TRIM33: variants seen among roughly 807,000 people sequenced by gnomAD.
The protein encoded by TRIM33 is tripartite motif containing 33, also known as E3 ubiquitin-protein ligase TRIM33.
TRIM33 carries 20 observed loss-of-function variants against 125.4 expected under a neutral mutation model. The ratio of observed to expected loss-of-function variants is 0.16; its 90% CI spans 0.11 to 0.23. TRIM33 has a LOEUF of 0.23. TRIM33 is among the 10% of genes least tolerant of loss of function. The probability of loss-of-function intolerance (pLI) is 1.00; values close to 1 mark genes in which losing one functional copy is unlikely to be tolerated. For missense variants in TRIM33, 920 were observed against 1,411.4 expected, an observed-to-expected ratio of 0.65 and a Z score of 5.58; for synonymous variants, 564 against 513.9, an observed-to-expected ratio of 1.10 and a Z score of -1.32.
chr1:114,397,633 TAAATCCATGTCA>T lies in TRIM33; in HGVS notation c.*3_*14del. ...TTTTTTTTTTTTTAAACAATTGATT[TAAATCCATGTCA>T]TTTTACTTTATATGTACTGGTCTCT... On this transcript the variant is annotated 3_prime_UTR_variant, in exon 20 of 20. Coordinates refer to ENST00000358465, the MANE Select transcript of TRIM33 (RefSeq NM_015906.4). 1 of 1,453,446 alleles carries T rather than the reference TAAATCCATGTCA, an allele frequency of 6.9e-7. No homozygotes were observed. 90.0% of individuals were successfully genotyped at this position (1,453,446 alleles called of 1,614,324 possible). A position where few individuals can be genotyped will look rare whatever the true frequency, so the allele number is the denominator to read the frequency against.
intron 4 of TRIM33, among the ~76,000 whole-genome samples, chr1:114,448,174 T>G (rs1349958915): frequency 6.6e-6 from 1 of 152,160 alleles, no homozygotes; most frequent in Non-Finnish European, 1.5e-5. Flanking sequence ...ATTGGCTACA[T>G]GAGAGGGGAT....
chr1:114,420,559 C>A, intron 11 of TRIM33: 1 of 526,254 alleles, frequency 1.9e-6, no homozygotes, highest in Non-Finnish European at 3.5e-6. Flanking sequence ...ATTCATACGA[C>A]CTTCAATTCC....
chr1:114,401,522 C>G, intron 16 of TRIM33, 59 bp from the exon 17 acceptor site: 1 of 1,428,688 alleles, frequency 7.0e-7, no homozygotes, highest in Middle Eastern at 1.8e-4. Context: ...AAAACATTCT[C>G]GAGAATGAGA....
intron 4 of TRIM33, among the ~76,000 whole-genome samples, chr1:114,449,449 CTT>C (rs1001102433): frequency 2.6e-5 from 4 of 152,142 alleles, no homozygotes; most frequent in African/African-American, 9.6e-5. Context: ...GTGGCACTCT[CTT>C]GGGTAACAGA....
At chr1:114,484,573 A>G (rs1156939915) in intron 1 of TRIM33, among the ~76,000 whole-genome samples, 3 of 151,876 alleles carry the variant, frequency 2.0e-5, no homozygotes, top group Non-Finnish European at 4.4e-5. Context: ...TTAAAAATAC[A>G]AAAATTAGGC....
chr1:114,402,200 G>C (rs1651938770), intron 16 of TRIM33, among the ~76,000 whole-genome samples: 1 of 152,126 alleles, frequency 6.6e-6, no homozygotes, highest in Non-Finnish European at 1.5e-5. Flanking sequence ...AATATGATGA[G>C]AAGCTATTAG....
At chr1:114,427,481 A>C (rs892406687) in intron 7 of TRIM33, among the ~76,000 whole-genome samples, 187 bp from the exon 8 acceptor site, 1 of 152,210 alleles carries the variant, frequency 6.6e-6, no homozygotes, top group Non-Finnish European at 1.5e-5. Flanking sequence ...TTTGGGTAAT[A>C]AAGTGCATTA....
intron 1 of TRIM33, among the ~76,000 whole-genome samples, chr1:114,471,883 T>A (rs1175714634): frequency 1.3e-5 from 2 of 152,210 alleles, no homozygotes; most frequent in Non-Finnish European, 2.9e-5. Flanking sequence ...CATTTCCTTA[T>A]CCAGTTTTTG....
chr1:114,417,145 C>T (rs555271712), intron 11 of TRIM33, among the ~76,000 whole-genome samples: 1 of 152,210 alleles, frequency 6.6e-6, no homozygotes, highest in South Asian at 2.1e-4. Flanking sequence ...TAATTCCATT[C>T]ACATGTGGAA....
chr1:114,410,089 A>T, intron 12 of TRIM33, 95 bp downstream of exon 12: 1 of 1,428,942 alleles, frequency 7.0e-7, no homozygotes, highest in Non-Finnish European at 9.8e-7. Context: ...TAGACCTCCT[A>T]CTTATTCTGT....
chr1:114,486,041 G>A (rs994745718), intron 1 of TRIM33, among the ~76,000 whole-genome samples: 4 of 152,144 alleles, frequency 2.6e-5, no homozygotes, highest in Non-Finnish European at 5.9e-5. Context: ...TTAGGAAGCT[G>A]AGGCAGGCAG....
intron 1 of TRIM33, among the ~76,000 whole-genome samples, chr1:114,500,197 TAAG>T (rs891601926): frequency 1.1e-4 from 16 of 152,320 alleles, no homozygotes; most frequent in Non-Finnish European, 1.9e-4. Context: ...TTTTTGGACT[TAAG>T]AAAATGTGGA....
At position 114,396,902 on chromosome 1, in the gene TRIM33, G is replaced by A. The variant is rs1651566915; in HGVS notation, c.*746C>T. 1 of 212,590 alleles carries A rather than the reference G, an allele frequency of 4.7e-6. No individual in the cohort carries two copies. Among genetic ancestry groups the A allele is most frequent in the Non-Finnish European group, 9.5e-6 (1 of 105,004 alleles). 13.2% of individuals were successfully genotyped at this position (212,590 alleles called of 1,614,324 possible). A position where few individuals can be genotyped will look rare whatever the true frequency, so the allele number is the denominator to read the frequency against. On this transcript the variant is annotated 3_prime_UTR_variant, in exon 20 of 20. Coordinates refer to ENST00000358465, the MANE Select transcript of TRIM33 (RefSeq NM_015906.4). Reference sequence around the variant, plus strand: ...TGATTTGATTGGGAAGTACAATTGTGAGGAAGTGTTTTCTGGAAACAACTA... The same window carrying A: ...TGATTTGATTGGGAAGTACAATTGTAAGGAAGTGTTTTCTGGAAACAACTA...
In TRIM33 at chr1:114,405,620, C is replaced by A; in HGVS notation, c.2558G>T (p.Gly853Val). ...ADMNESCKQS[G>V]LSSLVNGKSP... Reference sequence around the variant, plus strand: ...CTTTCCATTAACAAGGCTGCTGAGCCCTGACTGTTTGCAGCTTTCATTCAT... The same window carrying A: ...CTTTCCATTAACAAGGCTGCTGAGCACTGACTGTTTGCAGCTTTCATTCAT... The change falls in exon 15 of 20, where the codon GGG (glycine) becomes GTG (valine). Residue 853 changes from glycine (G) to valine (V), a missense_variant. By Grantham distance (109) the Gly-to-Val change is moderately radical (BLOSUM62 -3). This residue lies in a region of TRIM33 where 407 missense variants were observed against 589.7 expected (regional missense o/e 0.69). Coordinates refer to ENST00000358465, the MANE Select transcript of TRIM33 (RefSeq NM_015906.4). 2 of 1,614,170 alleles carry A rather than the reference C, an allele frequency of 1.2e-6. No homozygotes were observed. Among genetic ancestry groups the A allele is most frequent in the Non-Finnish European group, 1.7e-6 (2 of 1,180,036 alleles).
intron 11 of TRIM33, among the ~76,000 whole-genome samples, chr1:114,413,001 C>T (rs78852087): frequency 0.026 from 3,926 of 152,276 alleles, 86 homozygotes; most frequent in Non-Finnish European, 0.034. Context: ...CACATTCTCA[C>T]CAATACTTGC....
At chr1:114,427,934 A>G (rs1430020966) in intron 6 of TRIM33, 40 bp from the exon 7 acceptor site, 1 of 1,597,188 alleles carries the variant, frequency 6.3e-7, no homozygotes, top group Admixed American at 1.7e-5. Flanking sequence ...ATTCCATATG[A>G]AAAAAAATCA....
intron 4 of TRIM33, among the ~76,000 whole-genome samples, chr1:114,440,803 AG>A: frequency 6.6e-6 from 1 of 152,186 alleles, no homozygotes. Flanking sequence ...GAATGGATTG[AG>A]GGGAGTCTAA....
At chr1:114,418,641 A>C (rs1368401564) in intron 11 of TRIM33, among the ~76,000 whole-genome samples, 1 of 152,188 alleles carries the variant, frequency 6.6e-6, no homozygotes, top group Admixed American at 6.5e-5. Context: ...TGGAGGTCAT[A>C]ATATAGACAA....
At chr1:114,459,775 TATAC>T (rs1347107503) in intron 4 of TRIM33, among the ~76,000 whole-genome samples, 4 of 152,074 alleles carry the variant, frequency 2.6e-5, no homozygotes, top group Admixed American at 1.3e-4. Flanking sequence ...TCCATATATA[TATAC>T]AGTTAAACAA....
Sources: gnomAD v4.1 joint callset for allele counts (sites outside exome capture counted in the v4.1 genomes callset) on GRCh38, gnomAD v4.1.1 for gene constraint, gnomAD v4.1.1 regional missense constraint, MANE v1.5 for transcripts, NCBI Gene and HGNC (gene_info 2026-07-23, HGNC 2026-07-21) for gene names.